Variants in CSMD1 observed in about 807,000 individuals in gnomAD.
The protein encoded by CSMD1 is CUB and sushi domain-containing protein 1.
In CSMD1, 213 loss-of-function variants were observed where a neutral mutation model predicts 417.5. The ratio of observed to expected loss-of-function variants is 0.51; its 90% CI spans 0.46 to 0.57. The LOEUF (loss-of-function observed/expected upper bound fraction) is 0.57. Among genes scored for constraint, CSMD1 ranks in the 20% least tolerant of loss-of-function variants. The pLI is 0.00. For missense variants in CSMD1, 6,923 were observed against 4,529.7 expected (o/e 1.53, Z -15.17); for synonymous variants, 2,862 against 1,736.8 (o/e 1.65, Z -16.11).
chr8:3,305,013 G>A (rs1804716255), intron 25 of CSMD1, among the ~76,000 whole-genome samples: 1 of 152,204 alleles, frequency 6.6e-6, no homozygotes, highest in African/African-American at 2.4e-5. Context: ...TCTAGCATTT[G>A]TGAATTCAAA....
intron 52 of CSMD1, among the ~76,000 whole-genome samples, chr8:3,001,395 G>T (rs530627922): frequency 6.6e-6 from 1 of 151,116 alleles, no homozygotes; most frequent in Admixed American, 6.6e-5. Flanking sequence ...TCCCTTCCTC[G>T]CATATATGGA....
intron 1 of CSMD1, among the ~76,000 whole-genome samples, chr8:4,770,233 A>T (rs1330201922): frequency 6.7e-6 from 1 of 148,564 alleles, no homozygotes; most frequent in Non-Finnish European, 1.5e-5. Context: ...TCCTATATAC[A>T]TATTCATATA....
chr8:4,699,855 T>C (rs1807399584), intron 1 of CSMD1, among the ~76,000 whole-genome samples: 1 of 152,204 alleles, frequency 6.6e-6, no homozygotes, highest in African/African-American at 2.4e-5. Flanking sequence ...TTGACAATAC[T>C]GCGAGCAAGA....
rs544509917 is a variant in CSMD1, at chr8:3,822,595, T to A, written c.819-68553A>T. ...TTCATGGGTTTATTGGTAACTTTTTTCTCTGGGCACCACCTTCTGTCACCC... is the reference window on the plus strand; with the variant it reads ...TTCATGGGTTTATTGGTAACTTTTTACTCTGGGCACCACCTTCTGTCACCC... On this transcript the variant is annotated intron_variant, in intron 5 of 69. Coordinates refer to ENST00000635120, the MANE Select transcript of CSMD1 (RefSeq NM_033225.6). 2.1e-3 allele frequency among the ~76,000 whole-genome samples: 314 copies of A among 152,308 alleles called. 1 individual carries two copies. The highest frequency in any genetic ancestry group is 6.1e-3 in the African/African-American group (253 of 41,566).
intron 7 of CSMD1, among the ~76,000 whole-genome samples, chr8:3,689,153 G>C (rs2624077): frequency 6.6e-6 from 1 of 152,026 alleles, no homozygotes; most frequent in South Asian, 2.1e-4. Context: ...GTGAGACAAC[G>C]CGCTCTAAGG....
chr8:3,108,032 G>C (rs538510557), intron 44 of CSMD1, among the ~76,000 whole-genome samples: 2 of 152,252 alleles, frequency 1.3e-5, no homozygotes, highest in South Asian at 4.1e-4. Context: ...ATTTTTTAAA[G>C]TATACCATTT....
At chr8:3,042,733 C>T (rs1463012771) in intron 50 of CSMD1, among the ~76,000 whole-genome samples, 5 of 152,158 alleles carry the variant, frequency 3.3e-5, no homozygotes, top group East Asian at 1.9e-4. Context: ...AGATTTAACT[C>T]GTGTAAAATG....
intron 2 of CSMD1, among the ~76,000 whole-genome samples, chr8:4,429,726 C>T (rs537338311): frequency 1.7e-4 from 26 of 152,146 alleles, no homozygotes; most frequent in Non-Finnish European, 3.2e-4. Context: ...AGAAGTGGGT[C>T]TCCTGTAACC....
At chr8:3,366,383 G>A (rs915978882) in intron 20 of CSMD1, among the ~76,000 whole-genome samples, 1 of 142,604 alleles carries the variant, frequency 7.0e-6, no homozygotes, top group African/African-American at 2.6e-5. Flanking sequence ...TTTCTTATCT[G>A]TAGAAAAAAT....
intron 5 of CSMD1, among the ~76,000 whole-genome samples, chr8:3,771,152 C>T (rs1369102263): frequency 1.3e-5 from 2 of 152,050 alleles, no homozygotes; most frequent in African/African-American, 4.8e-5. Context: ...CATTTCAACA[C>T]ACTGGAATTA....
chr8:4,600,123 T>C (rs1800505070), intron 2 of CSMD1, among the ~76,000 whole-genome samples: 1 of 152,198 alleles, frequency 6.6e-6, no homozygotes, highest in Non-Finnish European at 1.5e-5. Flanking sequence ...GCTGACGTTC[T>C]CAGCACTTAT....
intron 3 of CSMD1, among the ~76,000 whole-genome samples, chr8:4,298,201 G>T (rs979332749): frequency 6.6e-6 from 1 of 152,058 alleles, no homozygotes; most frequent in African/African-American, 2.4e-5. Context: ...GTTAAATGAA[G>T]TTTCCAAAAT....
At chr8:3,103,028 C>T (rs1296523446) in intron 46 of CSMD1, among the ~76,000 whole-genome samples, 1 of 152,166 alleles carries the variant, frequency 6.6e-6, no homozygotes, top group Non-Finnish European at 1.5e-5. Flanking sequence ...GACTAATCAC[C>T]CCAGCACCTG....
intron 7 of CSMD1, among the ~76,000 whole-genome samples, chr8:3,668,556 T>C (rs556997859): frequency 6.6e-6 from 1 of 152,084 alleles, no homozygotes; most frequent in Non-Finnish European, 1.5e-5. Flanking sequence ...ACAGGTAATA[T>C]GCAAAGGGGA....
intron 25 of CSMD1, among the ~76,000 whole-genome samples, chr8:3,285,607 C>G (rs1443851348): frequency 6.6e-6 from 1 of 151,884 alleles, no homozygotes; most frequent in Non-Finnish European, 1.5e-5. Context: ...CCAAGTTGAC[C>G]AGGCTGGTCT....
At chr8:3,305,489 G>A (rs1173820921) in intron 25 of CSMD1, among the ~76,000 whole-genome samples, 1 of 152,160 alleles carries the variant, frequency 6.6e-6, no homozygotes, top group Non-Finnish European at 1.5e-5. Flanking sequence ...GTTATCATGG[G>A]AGTGGGTTAG....
intron 1 of CSMD1, among the ~76,000 whole-genome samples, chr8:4,738,903 T>TTGTG (rs34836566): frequency 1.7e-4 from 25 of 147,396 alleles, no homozygotes; most frequent in Admixed American, 1.6e-3. Flanking sequence ...TTCTGTGTGT[T>TTGTG]TGTGTGTGTG....
chr8:4,670,294 GT>G (rs1273278057), intron 1 of CSMD1, among the ~76,000 whole-genome samples: 4 of 152,134 alleles, frequency 2.6e-5, no homozygotes, highest in Non-Finnish European at 5.9e-5. Flanking sequence ...TCTTTTGATG[GT>G]TTTTGTGGCC....
At chr8:3,683,679 C>G (rs1200490424) in intron 7 of CSMD1, among the ~76,000 whole-genome samples, 3 of 152,168 alleles carry the variant, frequency 2.0e-5, no homozygotes, top group African/African-American at 7.2e-5. Context: ...AGGTTGTCAT[C>G]TCTTTTCCAC....
Sources: gnomAD v4.1 joint callset for allele counts (sites outside exome capture counted in the v4.1 genomes callset) on GRCh38, gnomAD v4.1.1 for gene constraint, MANE v1.5 for transcripts, NCBI Gene and HGNC (gene_info 2026-07-23, HGNC 2026-07-21) for gene names.